The following KLHL7 variants were observed in gnomAD, a reference collection of about 807,000 sequenced individuals.
KLHL7 encodes kelch like family member 7, also known as kelch-like protein 7.
A neutral mutation model predicts 67.4 loss-of-function variants in KLHL7; 44 were observed. That is an observed-to-expected ratio of 0.65 (90% confidence interval 0.51 to 0.84). The LOEUF (loss-of-function observed/expected upper bound fraction) is 0.84, where lower values mean the gene tolerates loss of function less well. Among genes scored for constraint, KLHL7 ranks in the 40% least tolerant of loss-of-function variants. The pLI is 0.00. For synonymous variants in KLHL7, 252 were observed against 243.3 expected (o/e 1.04, Z -0.33); for missense variants, 362 against 718.1 (o/e 0.50, Z 5.67).
chr7:23,161,671 C>T (rs1784857726), intron 7 of KLHL7, among the ~76,000 whole-genome samples: 1 of 152,144 alleles, frequency 6.6e-6, no homozygotes, highest in African/African-American at 2.4e-5. Flanking sequence ...AACCAGGAGC[C>T]ATAATGATAA....
intron 1 of KLHL7, among the ~76,000 whole-genome samples, chr7:23,121,896 A>G (rs1205243402): frequency 4.0e-5 from 6 of 151,866 alleles, no homozygotes; most frequent in Non-Finnish European, 8.8e-5. Flanking sequence ...GTTAGCCAGG[A>G]TGGTCTCAAT....
intron 3 of KLHL7, 86 bp downstream of exon 3, chr7:23,124,867 A>G (rs761265533): frequency 1.8e-6 from 2 of 1,137,050 alleles, no homozygotes; most frequent in African/African-American, 3.1e-5. Flanking sequence ...GTTGCACTAC[A>G]AATTCTTCAA....
chr7:23,174,513 A>G lies in KLHL7; in HGVS notation c.*215A>G. ...CACAAAACCAAGAACATATCTAGCA[A>G]GAAAACTTGAAAAAGTATAAGCATT... is the stretch of plus-strand genomic sequence containing the variant. On this transcript the variant is annotated 3_prime_UTR_variant, in exon 11 of 11. Coordinates refer to ENST00000339077, the MANE Select transcript of KLHL7 (RefSeq NM_001031710.3). The G allele has an allele frequency of 1.5e-6, 1 of 678,398 alleles. No homozygotes were observed. The highest frequency in any genetic ancestry group is 2.7e-6 in the Non-Finnish European group (1 of 372,348). The allele number at this position is 678,398 out of a possible 1,614,324, so 42.0% of individuals were successfully genotyped here.
intron 1 of KLHL7, among the ~76,000 whole-genome samples, chr7:23,112,212 A>G (rs1782904401): frequency 6.6e-6 from 1 of 152,214 alleles, no homozygotes; most frequent in Non-Finnish European, 1.5e-5. Flanking sequence ...TATGATCTCT[A>G]GGGTTCTGGA....
intron 6 of KLHL7, among the ~76,000 whole-genome samples, chr7:23,145,824 C>A (rs188902968): frequency 6.6e-6 from 1 of 152,118 alleles, no homozygotes; most frequent in Non-Finnish European, 1.5e-5. Context: ...TTGACCTGTC[C>A]GGCACGAGTG....
rs1446810127 is a variant in KLHL7 at position 23,105,997 on chromosome 7, AG to A, written c.-29del. The A allele has an allele frequency of 1.9e-6, 3 of 1,604,530 alleles. No homozygotes were observed. In the East Asian group the frequency reaches 6.7e-5, roughly 36 times the overall value. On this transcript the variant is annotated 5_prime_UTR_variant, in exon 1 of 11. Coordinates refer to ENST00000339077, the MANE Select transcript of KLHL7 (RefSeq NM_001031710.3). ...GTGCGACCCCTCGCCCGGCCCGGCGAGCCCCGGGCGTGAACCGAGCTGAGGG... is the reference window on the plus strand; with the variant it reads ...GTGCGACCCCTCGCCCGGCCCGGCGACCCCGGGCGTGAACCGAGCTGAGGG...
chr7:23,120,035 T>G (rs1273552263), intron 1 of KLHL7, among the ~76,000 whole-genome samples: 1 of 152,108 alleles, frequency 6.6e-6, no homozygotes, highest in Non-Finnish European at 1.5e-5. Context: ...ATTTTATTTT[T>G]GAGTCTCACT....
intron 4 of KLHL7, among the ~76,000 whole-genome samples, chr7:23,131,374 T>C (rs1783792444): frequency 6.6e-6 from 1 of 152,200 alleles, no homozygotes; most frequent in African/African-American, 2.4e-5. Flanking sequence ...CTTATTTTCC[T>C]TTTCTTTTGA....
chr7:23,170,573 A>G (rs1330164350), intron 9 of KLHL7, among the ~76,000 whole-genome samples: 1 of 152,250 alleles, frequency 6.6e-6, no homozygotes, highest in Non-Finnish European at 1.5e-5. Context: ...AAGAATTGGA[A>G]TGTTCCCAAC....
At chr7:23,131,401 G>A (rs1486183137) in intron 4 of KLHL7, among the ~76,000 whole-genome samples, 1 of 152,066 alleles carries the variant, frequency 6.6e-6, no homozygotes, top group Admixed American at 6.6e-5. Context: ...AAAAATTATT[G>A]TTGATCTTTG....
rs1304444448 is a variant in KLHL7 at position 23,156,068 on chromosome 7, C to T, written c.936+3859C>T. ...TCAGAATTCTCATTTGTTGTCTTGC[C>T]TTGCTCTTATAAATGAGTCATTCCT... On this transcript the variant is annotated intron_variant, in intron 7 of 10. Coordinates refer to ENST00000339077, the MANE Select transcript of KLHL7 (RefSeq NM_001031710.3). 8.9e-6 allele frequency: 4 copies of T among 449,824 alleles called. No homozygotes were observed. In the East Asian group the frequency reaches 2.9e-4, roughly 32 times the overall value. 27.9% of individuals were successfully genotyped at this position (449,824 alleles called of 1,614,324 possible).
chr7:23,166,854 G>A (rs858309), intron 8 of KLHL7, among the ~76,000 whole-genome samples: 10,196 of 152,094 alleles, frequency 0.067, 550 homozygotes, highest in African/African-American at 0.14. Context: ...TTTAGCTTAA[G>A]TAGTAGTTTT....
At position 23,117,081 on chromosome 7, in the gene KLHL7, C is replaced by CTTTTTTTTTTTTTTTTTTT. The variant is rs34692665; in HGVS notation, c.121-6690_121-6672dup. Among the ~76,000 whole-genome samples, 8 of 68,226 alleles carry CTTTTTTTTTTTTTTTTTTT rather than the reference C, an allele frequency of 1.2e-4. 1 individual carries two copies. The highest frequency in any genetic ancestry group is 2.3e-4 in the African/African-American group (4 of 17,408). The allele number at this position is 68,226 out of a possible 152,430, so 44.8% of individuals were successfully genotyped here. ...TCATAAAATTTTCCTAGAGCCAGGC[C>CTTTTTTTTTTTTTTTTTTT]TTTTTTTTTTTTTTTTTTTTTTTTG... On this transcript the variant is annotated intron_variant, in intron 1 of 10. Coordinates refer to ENST00000339077, the MANE Select transcript of KLHL7 (RefSeq NM_001031710.3).
chr7:23,116,598 T>C (rs1043726367), intron 1 of KLHL7, among the ~76,000 whole-genome samples: 1 of 152,250 alleles, frequency 6.6e-6, no homozygotes, highest in African/African-American at 2.4e-5. Flanking sequence ...TTTTGGTGTT[T>C]GTTTTGCTTG....
At chr7:23,129,351 GC>G (rs1783708008) in intron 4 of KLHL7, 1 of 362,342 alleles carries the variant, frequency 2.8e-6, no homozygotes, top group Non-Finnish European at 5.5e-6. Context: ...GTTAGCCAAG[GC>G]TTTTCTTGAC....
In KLHL7 at chr7:23,176,341, GTC is replaced by G. The variant is rs1405350357; in HGVS notation, c.*2047_*2048del. The G allele has an allele frequency of 6.6e-6, 1 of 152,238 alleles. No homozygotes were observed. Among genetic ancestry groups the G allele is most frequent in the Non-Finnish European group, 1.5e-5 (1 of 68,152 alleles). 9.4% of individuals were successfully genotyped at this position (152,238 alleles called of 1,614,324 possible). A position where few individuals can be genotyped will look rare whatever the true frequency, so the allele number is the denominator to read the frequency against. ...TTGTAGCTGCAGCACTTCAGTCTCT[GTC>G]TCTGTCTTCGCATGGGCTTTTTCCC... On this transcript the variant is annotated 3_prime_UTR_variant, in exon 11 of 11. Coordinates refer to ENST00000339077, the MANE Select transcript of KLHL7 (RefSeq NM_001031710.3).
At chr7:23,153,482 G>A (rs1013126278) in intron 7 of KLHL7, among the ~76,000 whole-genome samples, 12 of 152,196 alleles carry the variant, frequency 7.9e-5, no homozygotes, top group African/African-American at 2.9e-4. Context: ...GTTGGTTGAA[G>A]GCATGCTGTA....
intron 4 of KLHL7, chr7:23,129,290 C>A: frequency 3.7e-6 from 1 of 273,784 alleles, no homozygotes. Context: ...AGGCACCTCT[C>A]CAGCAGGGAC....
At chr7:23,165,612 A>C in intron 7 of KLHL7, 86 bp from the exon 8 acceptor site, 1 of 1,401,958 alleles carries the variant, frequency 7.1e-7, no homozygotes, top group Non-Finnish European at 1.0e-6. Flanking sequence ...ACATATTCTT[A>C]TATGTTTTTT....
Sources: gnomAD v4.1 joint callset for allele counts (sites outside exome capture counted in the v4.1 genomes callset) on GRCh38, gnomAD v4.1.1 for gene constraint, MANE v1.5 for transcripts, NCBI Gene and HGNC (gene_info 2026-07-23, HGNC 2026-07-21) for gene names.